The following TAF1B variants were observed in gnomAD, a reference collection of about 807,000 sequenced individuals.
TAF1B encodes TATA box-binding protein-associated factor RNA polymerase I subunit B.
In TAF1B, 61 loss-of-function variants were observed where a neutral mutation model predicts 83.9. The observed-to-expected ratio is 0.73, with a 90% confidence interval of 0.59 to 0.90. TAF1B has a LOEUF of 0.90. TAF1B is among the 40% of genes least tolerant of loss of function. The probability of loss-of-function intolerance (pLI) is 0.00; values close to 1 mark genes in which losing one functional copy is unlikely to be tolerated. For missense variants in TAF1B, 625 were observed against 677.0 expected (o/e 0.92, Z 0.85); for synonymous variants, 221 against 224.6 (o/e 0.98, Z 0.14).
intron 5 of TAF1B, among the ~76,000 whole-genome samples, chr2:9,860,437 C>T (rs1231845514): frequency 6.6e-6 from 1 of 152,046 alleles, no homozygotes; most frequent in Non-Finnish European, 1.5e-5. Context: ...TTTGACATGC[C>T]AGTGATTGTA....
intron 5 of TAF1B, among the ~76,000 whole-genome samples, chr2:9,855,099 A>G (rs896695182): frequency 6.6e-6 from 1 of 152,128 alleles, no homozygotes; most frequent in Non-Finnish European, 1.5e-5. Context: ...GGTTCAAGCA[A>G]TTCTTCTGCC....
At chr2:9,888,030 A>T (rs552621892) in intron 8 of TAF1B, among the ~76,000 whole-genome samples, 24 of 152,026 alleles carry the variant, frequency 1.6e-4, no homozygotes, top group East Asian at 3.9e-4. Context: ...TTAAAAAAAA[A>T]TTTTTTTTAG....
intron 5 of TAF1B, among the ~76,000 whole-genome samples, chr2:9,858,859 G>A (rs76229704): frequency 0.19 from 28,310 of 152,152 alleles, 3,157 homozygotes; most frequent in East Asian, 0.31. Context: ...GACCTGGCCC[G>A]TAAAACCATT....
At chr2:9,876,054 G>T in intron 7 of TAF1B, 36 bp downstream of exon 7, 1 of 1,558,298 alleles carries the variant, frequency 6.4e-7, no homozygotes, top group Non-Finnish European at 8.8e-7. Flanking sequence ...TATTTTTGCT[G>T]GTTACTACAT....
Position 9,854,415 on chromosome 2 carries a change from A to G in TAF1B, c.393A>G (p.Lys131=). 6.2e-7 allele frequency: 1 copy of G among 1,612,540 alleles called. No homozygotes were observed. The highest frequency in any genetic ancestry group is 8.5e-7 in the Non-Finnish European group (1 of 1,178,736). The stretch of plus-strand genomic sequence containing the variant: ...ACCCAGTTTATACCACTGGAAGGAA[A>G]CCTACGGTAAGTCACAAGTCTGAAA... ...CKNPVYTTGR[K]PTVLEDNLSH... is the part of the protein sequence containing the mutation. Residue 131 remains lysine, a synonymous_variant, in exon 5 of 15, where the codon AAA becomes AAG. Transcript: ENST00000263663.
chr2:9,877,629 C>T (rs562650053), intron 7 of TAF1B, among the ~76,000 whole-genome samples: 26 of 152,184 alleles, frequency 1.7e-4, no homozygotes, highest in Admixed American at 5.2e-4. Context: ...AAGGATCTTA[C>T]AAAAACATAA....
chr2:9,873,211 C>T (rs1280318872), intron 6 of TAF1B, among the ~76,000 whole-genome samples: 2 of 152,096 alleles, frequency 1.3e-5, no homozygotes, highest in South Asian at 2.1e-4. Flanking sequence ...CAAGACTGTC[C>T]GCCTTCAGGG....
chr2:9,902,639 C>T (rs1372248705), intron 8 of TAF1B, among the ~76,000 whole-genome samples: 3 of 152,136 alleles, frequency 2.0e-5, no homozygotes, highest in Admixed American at 6.5e-5. Context: ...ATTCTAGATA[C>T]GTAATTTATG....
At chr2:9,876,408 G>C (rs531113597) in intron 7 of TAF1B, among the ~76,000 whole-genome samples, 1 of 152,174 alleles carries the variant, frequency 6.6e-6, no homozygotes, top group African/African-American at 2.4e-5. Context: ...GCATATATTG[G>C]TGTTAAGAGC....
At chr2:9,862,312 A>G (rs1464898654) in intron 5 of TAF1B, among the ~76,000 whole-genome samples, 6 of 152,250 alleles carry the variant, frequency 3.9e-5, no homozygotes, top group Non-Finnish European at 8.8e-5. Flanking sequence ...AGTCCTCACT[A>G]GCTGATGCAA....
At position 9,907,260 on chromosome 2, in the gene TAF1B, G is replaced by C. The variant is rs369459349; in HGVS notation, c.955+2254G>C. On this transcript the variant is annotated intron_variant, in intron 9 of 14. Transcript: ENST00000263663. The stretch of plus-strand genomic sequence containing the variant: ...GATAGTCCCTATACCTTAGGATGTA[G>C]ATTCTAAAATGTTTACAGTTGGTTT... 3.3e-5 allele frequency among the ~76,000 whole-genome samples: 5 copies of C among 151,358 alleles called. No homozygotes were observed. The East Asian group carries it at 5.8e-4, about 18-fold the overall frequency.
chr2:9,908,390 A>AT (rs1665417329), intron 9 of TAF1B, among the ~76,000 whole-genome samples: 2 of 152,048 alleles, frequency 1.3e-5, no homozygotes, highest in Non-Finnish European at 2.9e-5. Context: ...AAGAAATGTC[A>AT]TTTTTTTAGA....
intron 14 of TAF1B, among the ~76,000 whole-genome samples, chr2:9,927,426 G>C (rs572374985): frequency 6.6e-6 from 1 of 152,302 alleles, no homozygotes; most frequent in African/African-American, 2.4e-5. Flanking sequence ...TCTAGTTCTA[G>C]ATCCTTGAGG....
At chr2:9,917,250 T>A (rs894237112) in intron 12 of TAF1B, among the ~76,000 whole-genome samples, 6 of 152,252 alleles carry the variant, frequency 3.9e-5, no homozygotes, top group Non-Finnish European at 7.3e-5. Context: ...AAGTATTTTT[T>A]AAAATTCTTG....
intron 3 of TAF1B, among the ~76,000 whole-genome samples, chr2:9,851,196 C>G (rs1029895771): frequency 6.6e-6 from 1 of 152,026 alleles, no homozygotes; most frequent in Admixed American, 6.6e-5. Flanking sequence ...TTTTAAAACT[C>G]GTTTCACTTT....
chr2:9,845,553 C>T (rs769313558), intron 2 of TAF1B: 1 of 403,494 alleles, frequency 2.5e-6, no homozygotes, highest in African/African-American at 2.0e-5. Flanking sequence ...ATTTCTTATT[C>T]AGAGTATGTG....
intron 5 of TAF1B, among the ~76,000 whole-genome samples, chr2:9,861,000 G>A (rs1663734221): frequency 6.6e-6 from 1 of 152,222 alleles, no homozygotes; most frequent in African/African-American, 2.4e-5. Context: ...AACAGCTCCA[G>A]TCTACAGCTC....
In TAF1B at chr2:9,849,810, G is replaced by A. The variant is rs561900736; in HGVS notation, c.205+350G>A. Among the ~76,000 whole-genome samples the A allele has an allele frequency of 1.4e-4, 21 of 152,234 alleles. No homozygotes were observed. The South Asian group carries it at 4.4e-3, about 32-fold the overall frequency. On this transcript the variant is annotated intron_variant, in intron 3 of 14. Transcript: ENST00000263663. ...CCCTTAAAATGACCTCAACATGAGTGTGCTTTGAAAGGCAAAGTATTTCAT... is the reference window on the plus strand; with the variant it reads ...CCCTTAAAATGACCTCAACATGAGTATGCTTTGAAAGGCAAAGTATTTCAT...
At chr2:9,896,880 G>A (rs1665035775) in intron 8 of TAF1B, among the ~76,000 whole-genome samples, 1 of 152,190 alleles carries the variant, frequency 6.6e-6, no homozygotes, top group East Asian at 1.9e-4. Flanking sequence ...GAGCTCAGGA[G>A]AGGAGATAGG....
Sources: gnomAD v4.1 joint callset for allele counts (sites outside exome capture counted in the v4.1 genomes callset) on GRCh38, gnomAD v4.1.1 for gene constraint, MANE v1.5 for transcripts, NCBI Gene and HGNC (gene_info 2026-07-23, HGNC 2026-07-21) for gene names.